Variants in SLC4A5 observed in about 807,000 individuals in gnomAD.
The protein encoded by SLC4A5 is solute carrier family 4 member 5.
Under a neutral mutation model 120.4 loss-of-function variants are expected in SLC4A5, and 96 were observed. The ratio of observed to expected loss-of-function variants is 0.80; its 90% CI spans 0.68 to 0.94. The LOEUF is 0.94. SLC4A5 is among the 40% of genes least tolerant of loss of function. SLC4A5 has a pLI of 0.00. For synonymous variants in SLC4A5, 550 were observed against 571.1 expected (o/e 0.96, Z 0.53); for missense variants, 1,259 against 1,459.5 (o/e 0.86, Z 2.24).
At chr2:74,279,342 G>A (rs1671740339) in intron 8 of SLC4A5, among the ~76,000 whole-genome samples, 1 of 152,140 alleles carries the variant, frequency 6.6e-6, no homozygotes. Context: ...CAGTTCTTGC[G>A]GTACTTCTTA....
At chr2:74,242,018 C>A in exon 20 of SLC4A5, 1 of 1,606,956 alleles carries the variant, frequency 6.2e-7, no homozygotes, top group South Asian at 1.1e-5. Flanking sequence ...TGTCTGGTGC[C>A]AATGGGGCTG....
rs373889349 is a variant in SLC4A5 at position 74,267,187 on chromosome 2, G to A, written c.402-1923C>T. On this transcript the variant is annotated intron_variant, in intron 8 of 30. Coordinates refer to ENST00000394019, the Ensembl canonical transcript of SLC4A5. ...ACTTCCTGTGTCAGTGAAAACATGG[G>A]GAGGTGGCCTCTCATCTGCTGCAGG... is the stretch of plus-strand genomic sequence containing the variant. Among the ~76,000 whole-genome samples, 117 of 152,306 alleles carry A rather than the reference G, an allele frequency of 7.7e-4. 2 individuals are homozygous for A. The South Asian group carries it at 0.014, about 18-fold the overall frequency.
intron 14 of SLC4A5, 84 bp from the exon 15 acceptor site, chr2:74,253,212 G>A: frequency 6.6e-7 from 1 of 1,511,190 alleles, no homozygotes; most frequent in Non-Finnish European, 9.0e-7. Flanking sequence ...GTTTTTAAAG[G>A]AATCCCTTTG....
intron 7 of SLC4A5, among the ~76,000 whole-genome samples, chr2:74,302,449 T>A (rs1329067951): frequency 6.6e-6 from 1 of 152,106 alleles, no homozygotes; most frequent in Admixed American, 6.5e-5. Flanking sequence ...AAACCCTGTT[T>A]CTACTAAAAA....
chr2:74,274,773 T>C (rs1245968854), intron 8 of SLC4A5, among the ~76,000 whole-genome samples: 3 of 152,232 alleles, frequency 2.0e-5, no homozygotes, highest in Non-Finnish European at 2.9e-5. Context: ...ACAATCGTTA[T>C]AGGGGTTTGT....
At chr2:74,249,934 C>T (rs6546895) in intron 17 of SLC4A5, among the ~76,000 whole-genome samples, 5 of 152,268 alleles carry the variant, frequency 3.3e-5, no homozygotes, top group East Asian at 1.9e-4. Flanking sequence ...ATGGCAACAG[C>T]TTACCATCCT....
intron 18 of SLC4A5, among the ~76,000 whole-genome samples, chr2:74,247,787 T>C (rs1256637495): frequency 1.3e-5 from 2 of 152,254 alleles, no homozygotes; most frequent in South Asian, 4.1e-4. Context: ...AGTGCTGGGA[T>C]TGCAGGTGTG....
chr2:74,277,481 G>A (rs1254860833), intron 8 of SLC4A5, among the ~76,000 whole-genome samples: 2 of 152,130 alleles, frequency 1.3e-5, no homozygotes, highest in Admixed American at 6.5e-5. Context: ...CCCAGGAGGC[G>A]TAGGTTGCAG....
chr2:74,248,437 C>T, exon 18 of SLC4A5: 1 of 1,614,170 alleles, frequency 6.2e-7, no homozygotes, highest in Non-Finnish European at 8.5e-7. Context: ...CGAGAAGAGG[C>T]AGAACAAGGA....
At chr2:74,221,679 G>A (rs1572997994) in intron 29 of SLC4A5, among the ~76,000 whole-genome samples, 178 bp from the exon 30 acceptor site, 1 of 152,322 alleles carries the variant, frequency 6.6e-6, no homozygotes, top group South Asian at 2.1e-4. Flanking sequence ...CACCCAGAAG[G>A]TGCTCAGCCA....
intron 8 of SLC4A5, 120 bp from the exon 9 acceptor site, chr2:74,265,384 TC>T: frequency 8.4e-7 from 1 of 1,192,678 alleles, no homozygotes; most frequent in Non-Finnish European, 1.2e-6. Flanking sequence ...GTGGTGTTGG[TC>T]CCAGACTCAC....
chr2:74,340,828 G>A (rs1001282856), intron 2 of SLC4A5, among the ~76,000 whole-genome samples: 1 of 152,082 alleles, frequency 6.6e-6, no homozygotes, highest in Non-Finnish European at 1.5e-5. Context: ...CATCCACCAC[G>A]GGCCTCTGTT....
chr2:74,319,243 A>C (rs1673037662), intron 5 of SLC4A5, among the ~76,000 whole-genome samples: 1 of 152,168 alleles, frequency 6.6e-6, no homozygotes, highest in Admixed American at 6.5e-5. Flanking sequence ...TGAGGGTTGA[A>C]AAGTGACCTA....
chr2:74,247,541 G>GTC (rs1225203003), intron 18 of SLC4A5, among the ~76,000 whole-genome samples: 1 of 151,246 alleles, frequency 6.6e-6, no homozygotes, highest in Non-Finnish European at 1.5e-5. Context: ...TTGAGAAAGA[G>GTC]TCTCTCTCTG....
In SLC4A5 at chr2:74,244,328, T is replaced by A. The variant is rs529451719; in HGVS notation, c.2060-2276A>T. Among the ~76,000 whole-genome samples the A allele has an allele frequency of 5.3e-5, 8 of 152,304 alleles. No individual in the cohort carries two copies. The South Asian group carries it at 1.7e-3, about 32-fold the overall frequency. ...TCAGAATCAATTGGAAGATTCAATA[T>A]ACATCTGCTTGGACCCTACTCCAGA... On this transcript the variant is annotated intron_variant, in intron 19 of 30. Coordinates refer to ENST00000394019, the Ensembl canonical transcript of SLC4A5.
chr2:74,265,054 C>T (rs1184633539), intron 9 of SLC4A5, 50 bp downstream of exon 9: 1 of 1,572,914 alleles, frequency 6.4e-7, no homozygotes, highest in Admixed American at 1.7e-5. Context: ...GGGAGCTGCC[C>T]TGGTTTGCAG....
intron 7 of SLC4A5, among the ~76,000 whole-genome samples, chr2:74,299,544 C>T (rs1672419236): frequency 6.6e-6 from 1 of 152,154 alleles, no homozygotes; most frequent in African/African-American, 2.4e-5. Context: ...TACCCAGTCT[C>T]AGTTATGTCT....
At chr2:74,308,353 A>T (rs1413308394) in intron 6 of SLC4A5, among the ~76,000 whole-genome samples, 1 of 152,238 alleles carries the variant, frequency 6.6e-6, no homozygotes, top group African/African-American at 2.4e-5. Context: ...GCAATGGAAG[A>T]GCATTTCCTA....
chr2:74,336,954 T>C (rs1403293420), intron 3 of SLC4A5, among the ~76,000 whole-genome samples: 3 of 152,120 alleles, frequency 2.0e-5, no homozygotes, highest in African/African-American at 7.2e-5. Flanking sequence ...CTTAGGGGAA[T>C]AGAAGAGACT....
Sources: allele counts gnomAD v4.1 joint callset (sites outside exome capture counted in the v4.1 genomes callset), GRCh38; gene constraint gnomAD v4.1.1; transcripts MANE v1.5; gene names NCBI Gene and HGNC (gene_info 2026-07-23, HGNC 2026-07-21).